The following SPAG17 variants were observed in gnomAD, a reference collection of about 807,000 sequenced individuals.
SPAG17 encodes sperm-associated antigen 17.
Under a neutral mutation model 273.6 loss-of-function variants are expected in SPAG17, and 169 were observed. That is an observed-to-expected ratio of 0.62 (90% CI 0.55 to 0.70). The LOEUF (loss-of-function observed/expected upper bound fraction) is 0.70. Among genes scored for constraint, SPAG17 ranks in the 30% least tolerant of loss-of-function variants. SPAG17 has a pLI of 0.00. For missense variants in SPAG17, 2,557 were observed against 2,627.8 expected (o/e 0.97, Z 0.59); for synonymous variants, 825 against 873.2 (o/e 0.94, Z 0.97).
At chr1:117,993,195 G>A (rs1048420334) in intron 35 of SPAG17, among the ~76,000 whole-genome samples, 2 of 152,102 alleles carry the variant, frequency 1.3e-5, no homozygotes, top group African/African-American at 4.8e-5. Flanking sequence ...ACTTGTGATC[G>A]ATTTTCAGGA....
At chr1:118,005,323 T>G (rs1191246949) in intron 32 of SPAG17, 91 bp downstream of exon 32, 2 of 1,136,244 alleles carry the variant, frequency 1.8e-6, no homozygotes, top group Non-Finnish European at 2.4e-6. Context: ...CCAAGGCAAC[T>G]AAGGTAAAAA....
intron 3 of SPAG17, among the ~76,000 whole-genome samples, chr1:118,147,566 G>A (rs915756659): frequency 2.6e-5 from 4 of 152,180 alleles, no homozygotes; most frequent in Non-Finnish European, 5.9e-5. Flanking sequence ...ATGAACAAAT[G>A]AGCTGCAGCT....
At chr1:118,059,676 G>A (rs1287354611) in intron 18 of SPAG17, among the ~76,000 whole-genome samples, 1 of 152,044 alleles carries the variant, frequency 6.6e-6, no homozygotes, top group African/African-American at 2.4e-5. Context: ...ATATAATGAT[G>A]TAGTCATTAT....
In SPAG17 at chr1:118,028,305, G is replaced by A. The variant is rs1648003099; in HGVS notation, c.3699C>T (p.Leu1233=). Residue 1233 remains leucine, a synonymous_variant, in exon 26 of 49, where the codon CTC becomes CTT. Coordinates refer to ENST00000336338, the MANE Select transcript of SPAG17 (RefSeq NM_206996.4). ...QSLNVSCPSG[L]LLTFIGQEST... is the part of the protein sequence containing the mutation. Reference sequence around the variant, plus strand: ...ATTCTTGTCCAATGAAAGTCAACAGGAGCCCACTGGGGCAAGACACATTTA... The same window carrying A: ...ATTCTTGTCCAATGAAAGTCAACAGAAGCCCACTGGGGCAAGACACATTTA... 1.1e-5 allele frequency: 17 copies of A among 1,613,538 alleles called. No homozygotes were observed. Among genetic ancestry groups the A allele is most frequent in the Non-Finnish European group, 1.4e-5 (17 of 1,179,634 alleles).
chr1:118,177,386 G>A (rs1161967660), intron 1 of SPAG17, among the ~76,000 whole-genome samples: 2 of 152,014 alleles, frequency 1.3e-5, no homozygotes, highest in Non-Finnish European at 2.9e-5. Context: ...GAACACCATG[G>A]GGAAAACCAC....
chr1:118,088,271 T>C (rs1457155043), intron 10 of SPAG17, among the ~76,000 whole-genome samples: 1 of 152,238 alleles, frequency 6.6e-6, no homozygotes, highest in African/African-American at 2.4e-5. Flanking sequence ...ATGGATCTAC[T>C]GGTTGACTTC....
intron 13 of SPAG17, among the ~76,000 whole-genome samples, chr1:118,085,663 A>G (rs1339302066): frequency 1.3e-5 from 2 of 152,180 alleles, no homozygotes; most frequent in African/African-American, 4.8e-5. Flanking sequence ...GAAAAAAGGG[A>G]ATTATTGTGG....
chr1:118,100,910 A>G (rs1570694705), intron 5 of SPAG17, among the ~76,000 whole-genome samples: 1 of 152,300 alleles, frequency 6.6e-6, no homozygotes, highest in Middle Eastern at 3.4e-3. Flanking sequence ...TATGTGCTCT[A>G]TGTGAGTCAC....
chr1:117,987,949 A>ACCC, intron 39 of SPAG17, 68 bp from the exon 40 acceptor site: 1 of 1,556,142 alleles, frequency 6.4e-7, no homozygotes, highest in Non-Finnish European at 8.8e-7. Context: ...AAAACCAAAA[A>ACCC]CCCTCACCAC....
chr1:118,115,184 A>G (rs922361801), intron 4 of SPAG17, 126 bp downstream of exon 4: 2 of 1,030,522 alleles, frequency 1.9e-6, no homozygotes, highest in African/African-American at 3.3e-5. Flanking sequence ...AGTTGAGGTG[A>G]CAGCCAAATT....
Position 118,005,553 on chromosome 1 carries a change from G to A in SPAG17, c.4637C>T (p.Ala1546Val). ...GSLYIDKDCS[A>V]VYCHESSSNI... Reference sequence around the variant, plus strand: ...ACTGCTTGACTCATGGCAGTACACAGCTGAACAATCCTTGTCAATATAAAG... The same window carrying A: ...ACTGCTTGACTCATGGCAGTACACAACTGAACAATCCTTGTCAATATAAAG... The change falls in exon 32 of 49, where the codon GCT (alanine) becomes GTT (valine). Residue 1546 changes from alanine (A) to valine (V), a missense_variant. Physicochemically the swap from Ala to Val is moderately conservative, Grantham distance 64. Coordinates refer to ENST00000336338, the MANE Select transcript of SPAG17 (RefSeq NM_206996.4). 6.3e-7 allele frequency: 1 copy of A among 1,599,724 alleles called. No individual in the cohort carries two copies.
At chr1:118,075,291 T>C (rs796150929) in intron 15 of SPAG17, among the ~76,000 whole-genome samples, 8 of 152,342 alleles carry the variant, frequency 5.3e-5, no homozygotes, top group African/African-American at 1.9e-4. Flanking sequence ...GCACACTAGC[T>C]TTCCTAGTAA....
rs367770742 is a variant in SPAG17, at chr1:118,086,928, G to A, written c.1440C>T (p.Ile480=). 4.7e-5 allele frequency: 75 copies of A among 1,612,280 alleles called. No homozygotes were observed. The highest frequency in any genetic ancestry group is 5.8e-5 in the Non-Finnish European group (69 of 1,179,576). The change falls in exon 11 of 49, where the codon ATC becomes ATT. Residue 480 remains isoleucine, a synonymous_variant. Transcript: ENST00000336338. Reference sequence around the variant, plus strand: ...GCAGAAGGGACACAATGTGAGCTGCGATTCTGTGGTCTAGCCCGTCTGCTC... The same window carrying A: ...GCAGAAGGGACACAATGTGAGCTGCAATTCTGTGGTCTAGCCCGTCTGCTC... ...SPRADGLDHR[I]AAHIVSLLPS...
intron 18 of SPAG17, among the ~76,000 whole-genome samples, chr1:118,060,322 C>A (rs1406514453): frequency 1.3e-5 from 2 of 151,294 alleles, no homozygotes; most frequent in Non-Finnish European, 3.0e-5. Context: ...TTTCTTTTTC[C>A]ATTTTTTAGA....
At chr1:118,105,894 G>GAA (rs770361049) in intron 4 of SPAG17, among the ~76,000 whole-genome samples, 22 of 152,096 alleles carry the variant, frequency 1.4e-4, no homozygotes, top group Admixed American at 3.3e-4. Context: ...GAGAGGCAGA[G>GAA]AATAACAGTG....
rs146004766 is a variant in SPAG17 at position 118,125,245 on chromosome 1, A to ATATATATATATT, written c.316-9805_316-9804insAATATATATATA. 3.7e-3 allele frequency among the ~76,000 whole-genome samples: 553 copies of ATATATATATATT among 150,808 alleles called. 4 individuals carry two copies. The highest frequency in any genetic ancestry group is 0.013 in the African/African-American group (530 of 40,824). On this transcript the variant is annotated intron_variant, in intron 3 of 48. Coordinates refer to ENST00000336338, the MANE Select transcript of SPAG17 (RefSeq NM_206996.4). ...TTATTGTATTCATATATATATATATATTTTTGACATATAATAATGGTAAAT... is the reference window on the plus strand; with the variant it reads ...TTATTGTATTCATATATATATATATATATATATATATTTTTTTGACATATAATAATGGTAAAT...
At chr1:118,130,437 A>G (rs905467861) in intron 3 of SPAG17, among the ~76,000 whole-genome samples, 1 of 152,212 alleles carries the variant, frequency 6.6e-6, no homozygotes, top group South Asian at 2.1e-4. Context: ...TCATTTACAT[A>G]TTGACACTGG....
intron 20 of SPAG17, among the ~76,000 whole-genome samples, chr1:118,046,451 T>G (rs1650365211): frequency 6.6e-6 from 1 of 152,134 alleles, no homozygotes; most frequent in Non-Finnish European, 1.5e-5. Flanking sequence ...GTTTAAATCA[T>G]TTTAATAGTT....
intron 3 of SPAG17, among the ~76,000 whole-genome samples, chr1:118,147,548 G>A (rs1659084638): frequency 1.3e-5 from 2 of 152,158 alleles, no homozygotes; most frequent in Admixed American, 1.3e-4. Context: ...TCCAAAAAGA[G>A]AATGTGAATG....
Sources: gnomAD v4.1 joint callset for allele counts (sites outside exome capture counted in the v4.1 genomes callset) on GRCh38, gnomAD v4.1.1 for gene constraint, MANE v1.5 for transcripts, NCBI Gene and HGNC (gene_info 2026-07-23, HGNC 2026-07-21) for gene names.